KIAA1549L: variants seen among roughly 807,000 people sequenced by gnomAD.
KIAA1549L encodes the protein KIAA1549 like.
A neutral mutation model predicts 160.7 loss-of-function variants in KIAA1549L; 88 were observed. The ratio of observed to expected loss-of-function variants is 0.55; its 90% CI spans 0.46 to 0.65. KIAA1549L has a LOEUF of 0.65. Among genes scored for constraint, KIAA1549L ranks in the 30% least tolerant of loss-of-function variants. KIAA1549L has a pLI of 0.00. For synonymous variants in KIAA1549L, 950 were observed against 976.7 expected (o/e 0.97, Z 0.51); for missense variants, 2,258 against 2,437.5 (o/e 0.93, Z 1.55).
At chr11:33,657,219 A>G (rs1049342121) in intron 18 of KIAA1549L, among the ~76,000 whole-genome samples, 1 of 152,154 alleles carries the variant, frequency 6.6e-6, no homozygotes, top group African/African-American at 2.4e-5. Flanking sequence ...GGACCTTCCT[A>G]GGAGAGTAGC....
intron 1 of KIAA1549L, among the ~76,000 whole-genome samples, chr11:33,457,551 A>C (rs1207283149): frequency 6.6e-6 from 1 of 152,166 alleles, no homozygotes; most frequent in Non-Finnish European, 1.5e-5. Context: ...TATTTCAGTC[A>C]ATGTGGCCAC....
At chr11:33,606,260 C>T (rs1164044926) in intron 13 of KIAA1549L, among the ~76,000 whole-genome samples, 1 of 152,156 alleles carries the variant, frequency 6.6e-6, no homozygotes, top group Non-Finnish European at 1.5e-5. Flanking sequence ...TGAGGATTGT[C>T]GGATTTTAAG....
intron 1 of KIAA1549L, among the ~76,000 whole-genome samples, chr11:33,470,689 C>T (rs1440442705): frequency 6.6e-6 from 1 of 152,118 alleles, no homozygotes; most frequent in Non-Finnish European, 1.5e-5. Flanking sequence ...AATCCACCTG[C>T]CAATCCACCC....
intron 11 of KIAA1549L, among the ~76,000 whole-genome samples, chr11:33,585,700 A>G (rs139502964): frequency 4.0e-4 from 61 of 152,242 alleles, no homozygotes; most frequent in Admixed American, 7.2e-4. Flanking sequence ...GATTAAACCA[A>G]AATTGTACTA....
At chr11:33,645,276 G>A (rs1851684494) in intron 16 of KIAA1549L, among the ~76,000 whole-genome samples, 1 of 152,106 alleles carries the variant, frequency 6.6e-6, no homozygotes, top group South Asian at 2.1e-4. Flanking sequence ...GACCATTTAG[G>A]GAGTGAATCT....
chr11:33,597,905 A>G (rs767990939), intron 12 of KIAA1549L, among the ~76,000 whole-genome samples: 1 of 152,164 alleles, frequency 6.6e-6, no homozygotes, highest in Non-Finnish European at 1.5e-5. Flanking sequence ...CATGAGCTTC[A>G]TGTTCCTCAC....
intron 8 of KIAA1549L, among the ~76,000 whole-genome samples, chr11:33,562,667 CTTCAT>C (rs922762569): frequency 3.4e-5 from 5 of 147,444 alleles, no homozygotes; most frequent in African/African-American, 1.3e-4. Context: ...CTCATTTTAA[CTTCAT>C]TTCCTCTTTT....
intron 1 of KIAA1549L, among the ~76,000 whole-genome samples, chr11:33,447,388 A>G (rs946303121): frequency 1.3e-5 from 2 of 152,150 alleles, no homozygotes; most frequent in Non-Finnish European, 2.9e-5. Flanking sequence ...CTCATAAATG[A>G]ATGAAAACTA....
At chr11:33,403,273 A>ACATG (rs1565121747) in intron 1 of KIAA1549L, 6 of 140,904 alleles carry the variant, frequency 4.3e-5, no homozygotes, top group African/African-American at 5.4e-5. Context: ...ACAGACACAC[A>ACATG]CAGACACAGA....
Position 33,542,670 on chromosome 11 carries a change from T to C in KIAA1549L, c.1107T>C (p.Asp369=). The change falls in exon 2 of 21, where the codon GAT becomes GAC. Residue 369 remains aspartate, a synonymous_variant. Transcript: ENST00000658780. ...TTGGAAGTCTTCTTCAGCTTCCAGATGGAAGCCCCTCATGGTCAATGTTGG... is the reference window on the plus strand; with the variant it reads ...TTGGAAGTCTTCTTCAGCTTCCAGACGGAAGCCCCTCATGGTCAATGTTGG... ...PALGSLLQLP[D]GSPSWSMLEV... 10 of 1,613,876 alleles carry C rather than the reference T, an allele frequency of 6.2e-6. No homozygotes were observed. The highest frequency in any genetic ancestry group is 8.5e-6 in the Non-Finnish European group (10 of 1,179,842).
chr11:33,542,869 C>G lies in KIAA1549L; in HGVS notation c.1306C>G (p.Leu436Val). ...GGCCATAGAAATGACCAGCAGAAAG[C>G]TAGCCTCTGCCACTGCAAATGACTC... ...SGAIEMTSRK[L>V]ASATANDSAN... Residue 436 changes from leucine (L) to valine (V), a missense_variant, in exon 2 of 21, where the codon CTA becomes GTA. Physicochemically the swap from Leu to Val is conservative, Grantham distance 32. Around this residue, in one of 6 missense-constraint regions of KIAA1549L, gnomAD observed 540 missense variants for 465.7 expected, o/e 1.16. Coordinates refer to ENST00000658780, the MANE Select transcript of KIAA1549L (RefSeq NM_012194.3). The G allele has an allele frequency of 6.2e-7, 1 of 1,613,948 alleles. No individual in the cohort carries two copies. Among genetic ancestry groups the G allele is most frequent in the East Asian group, 2.2e-5 (1 of 44,888 alleles).
At chr11:33,464,084 A>G (rs1851994698) in intron 1 of KIAA1549L, among the ~76,000 whole-genome samples, 1 of 152,228 alleles carries the variant, frequency 6.6e-6, no homozygotes. Flanking sequence ...AGATATTATT[A>G]TCTCCTTTTC....
At chr11:33,629,107 T>A (rs531278557) in intron 16 of KIAA1549L, among the ~76,000 whole-genome samples, 3,062 of 151,516 alleles carry the variant, frequency 0.02, 102 homozygotes, top group African/African-American at 0.066. Flanking sequence ...AATGTTGAAT[T>A]TTGGCCCCCA....
At chr11:33,656,616 G>T (rs1019649974) in intron 18 of KIAA1549L, among the ~76,000 whole-genome samples, 1 of 152,138 alleles carries the variant, frequency 6.6e-6, no homozygotes, top group African/African-American at 2.4e-5. Context: ...TCTAACGAGG[G>T]CATGTTTTTA....
intron 1 of KIAA1549L, among the ~76,000 whole-genome samples, chr11:33,417,657 G>A (rs1456554543): frequency 2.0e-5 from 3 of 152,000 alleles, no homozygotes; most frequent in South Asian, 4.1e-4. Context: ...TCACATCCTC[G>A]GGTTTCTGCT....
At chr11:33,609,653 G>A in intron 14 of KIAA1549L, 96 bp from the exon 15 acceptor site, 1 of 986,542 alleles carries the variant, frequency 1.0e-6, no homozygotes, top group South Asian at 1.5e-5. Context: ...TGATGCCTGT[G>A]ATGGCTTTTT....
intron 1 of KIAA1549L, among the ~76,000 whole-genome samples, chr11:33,488,292 A>C (rs1852576265): frequency 6.6e-6 from 1 of 152,214 alleles, no homozygotes; most frequent in Admixed American, 6.5e-5. Context: ...CCTGAATGTG[A>C]AACAATCCAT....
At chr11:33,455,903 T>C (rs918023687) in intron 1 of KIAA1549L, among the ~76,000 whole-genome samples, 1 of 152,200 alleles carries the variant, frequency 6.6e-6, no homozygotes, top group Non-Finnish European at 1.5e-5. Context: ...TGTTTCTTTC[T>C]CACATACATG....
chr11:33,595,299 T>G (rs1850168440), intron 12 of KIAA1549L, among the ~76,000 whole-genome samples: 1 of 152,346 alleles, frequency 6.6e-6, no homozygotes, highest in Non-Finnish European at 1.5e-5. Flanking sequence ...AGATCTCAGC[T>G]CACTGCAACC....
Sources: allele counts gnomAD v4.1 joint callset (sites outside exome capture counted in the v4.1 genomes callset), GRCh38; gene constraint gnomAD v4.1.1; regional missense constraint gnomAD v4.1.1; transcripts MANE v1.5; gene names NCBI Gene and HGNC (gene_info 2026-07-23, HGNC 2026-07-21).